EPHA3: variants seen among roughly 807,000 people sequenced by gnomAD.
The protein encoded by EPHA3 is EPH receptor A3, also known as ephrin type-A receptor 3.
Under a neutral mutation model 107.1 loss-of-function variants are expected in EPHA3, and 42 were observed. The ratio of observed to expected loss-of-function variants is 0.39; its 90% CI spans 0.31 to 0.51. EPHA3 has a LOEUF of 0.51. Ranked by LOEUF, EPHA3 falls within the 20% of genes least tolerant of loss-of-function variation. EPHA3 has a pLI of 0.78. For synonymous variants in EPHA3, 461 were observed against 424.8 expected, an observed-to-expected ratio of 1.09 and a Z score of -1.05; for missense variants, 1,183 against 1,211.2, an observed-to-expected ratio of 0.98 and a Z score of 0.35.
intron 15 of EPHA3, among the ~76,000 whole-genome samples, chr3:89,451,193 A>T (rs1056026157): frequency 6.6e-6 from 1 of 152,182 alleles, no homozygotes; most frequent in African/African-American, 2.4e-5. Context: ...GCAATCCTGG[A>T]TGCACAAAGT....
chr3:89,230,750 G>A (rs1704609678), intron 3 of EPHA3, among the ~76,000 whole-genome samples: 1 of 149,938 alleles, frequency 6.7e-6, no homozygotes, highest in South Asian at 2.1e-4. Context: ...AGTACATCTA[G>A]ATCCACTGGT....
At chr3:89,198,042 T>C (rs1705888172) in intron 2 of EPHA3, among the ~76,000 whole-genome samples, 2 of 152,180 alleles carry the variant, frequency 1.3e-5, no homozygotes, top group South Asian at 2.1e-4. Flanking sequence ...TTGTCAATTA[T>C]ATTTAGTGAA....
intron 2 of EPHA3, among the ~76,000 whole-genome samples, chr3:89,139,409 G>T (rs146590651): frequency 2.6e-5 from 4 of 151,778 alleles, no homozygotes. Flanking sequence ...ATCTGTATCC[G>T]TATTGTTGGA....
chr3:89,303,238 A>C (rs1477962845), intron 3 of EPHA3, among the ~76,000 whole-genome samples: 1 of 152,034 alleles, frequency 6.6e-6, no homozygotes, highest in Non-Finnish European at 1.5e-5. Context: ...TTTTAAAATA[A>C]TTTTAATTGA....
At position 89,136,336 on chromosome 3, in the gene EPHA3, T is replaced by TTTTTTTTTTTTTTTTTTTG. The variant is rs1704312953; in HGVS notation, c.153+9064_153+9082dup. Among the ~76,000 whole-genome samples, 2 of 134,272 alleles carry TTTTTTTTTTTTTTTTTTTG rather than the reference T, an allele frequency of 1.5e-5. 1 individual carries two copies. Among genetic ancestry groups the TTTTTTTTTTTTTTTTTTTG allele is most frequent in the Non-Finnish European group, 3.2e-5 (2 of 62,664 alleles). 88.1% of individuals were successfully genotyped at this position (134,272 alleles called of 152,430 possible). The stretch of plus-strand genomic sequence containing the variant: ...CATGGCAAAATCTTACAGGCTTTTT[T>TTTTTTTTTTTTTTTTTTTG]TTTTTTTTTTTTTTTTTTGACCCTT... On this transcript the variant is annotated intron_variant, in intron 2 of 16. Transcript: ENST00000336596.
At chr3:89,127,102 G>T (rs1704111695) in intron 1 of EPHA3, 107 bp from the exon 2 acceptor site, 1 of 815,972 alleles carries the variant, frequency 1.2e-6, no homozygotes, top group Admixed American at 2.2e-5. Context: ...AGAAGGAAGA[G>T]TTATGTTTTT....
At chr3:89,402,595 T>G (rs1323178263) in intron 7 of EPHA3, among the ~76,000 whole-genome samples, 1 of 152,096 alleles carries the variant, frequency 6.6e-6, no homozygotes, top group East Asian at 1.9e-4. Context: ...AGACTCTTAT[T>G]TGTTATATAT....
rs929295509 is a variant in EPHA3, at chr3:89,413,083, C to G, written c.1763-58C>G. The G allele has an allele frequency of 3.1e-6, 5 of 1,599,574 alleles. No homozygotes were observed. In the African/African-American group the frequency reaches 6.7e-5, roughly 22 times the overall value. On this transcript the variant is annotated intron_variant, in intron 9 of 16. Transcript: ENST00000336596. ...AACCAATAATGCCATAAAATTTGAT[C>G]TATAATTGTTTGTACAAATCTAGCT...
chr3:89,248,389 CT>C (rs2107258495), intron 3 of EPHA3, among the ~76,000 whole-genome samples: 1 of 152,252 alleles, frequency 6.6e-6, no homozygotes, highest in East Asian at 1.9e-4. Context: ...TCTTGGTTGC[CT>C]TTTAATCCCC....
At chr3:89,226,790 C>T (rs2107217091) in intron 3 of EPHA3, among the ~76,000 whole-genome samples, 1 of 152,134 alleles carries the variant, frequency 6.6e-6, no homozygotes, top group African/African-American at 2.4e-5. Flanking sequence ...ATGTAGAAAA[C>T]CAGTCCTTAT....
chr3:89,480,933 G>T lies in EPHA3; in HGVS notation c.*1431G>T, dbSNP rs1710610523. The T allele has an allele frequency of 4.3e-6, 1 of 232,020 alleles. No individual in the cohort carries two copies. Among genetic ancestry groups the T allele is most frequent in the Non-Finnish European group, 8.5e-6 (1 of 117,120 alleles). The allele number at this position is 232,020 out of a possible 1,614,324, so 14.4% of individuals were successfully genotyped here. A position where few individuals can be genotyped will look rare whatever the true frequency, so the allele number is the denominator to read the frequency against. On this transcript the variant is annotated 3_prime_UTR_variant, in exon 17 of 17. Transcript: ENST00000336596. Reference sequence around the variant, plus strand: ...CGCCTCAAAATGTGTAAGCAGGAGAGAAATTTCTCATCACAGGGATTTAGA... The same window carrying T: ...CGCCTCAAAATGTGTAAGCAGGAGATAAATTTCTCATCACAGGGATTTAGA...
intron 3 of EPHA3, among the ~76,000 whole-genome samples, chr3:89,218,717 A>G (rs1704277945): frequency 6.6e-6 from 1 of 152,170 alleles, no homozygotes; most frequent in South Asian, 2.1e-4. Flanking sequence ...GCAGCCAAAA[A>G]AATATGAAAA....
intron 10 of EPHA3, among the ~76,000 whole-genome samples, chr3:89,417,507 T>A (rs1477178199): frequency 6.6e-6 from 1 of 151,516 alleles, no homozygotes; most frequent in Admixed American, 6.6e-5. Context: ...GCTCTGATAA[T>A]GTTCGGATAA....
intron 3 of EPHA3, among the ~76,000 whole-genome samples, chr3:89,219,761 T>A (rs1214582160): frequency 8.8e-6 from 1 of 114,218 alleles, no homozygotes; most frequent in Non-Finnish European, 1.8e-5. Flanking sequence ...CAGGCTGGAG[T>A]GCAGTGGCGG....
intron 3 of EPHA3, among the ~76,000 whole-genome samples, chr3:89,313,142 G>A (rs1410879197): frequency 1.3e-5 from 2 of 151,864 alleles, no homozygotes; most frequent in African/African-American, 2.4e-5. Context: ...TGCAATAATA[G>A]AGTTATGCCA....
Position 89,335,832 on chromosome 3 carries a change from A to C in EPHA3, c.815-5084A>C, listed in dbSNP as rs142711708. ...TTTTGCTATCCTGGGGTTAAGATCC[A>C]TGAATAATTTTTCCACGTGTTTGAC... On this transcript the variant is annotated intron_variant, in intron 3 of 16. Transcript: ENST00000336596. Among the ~76,000 whole-genome samples, 396 of 152,330 alleles carry C rather than the reference A, an allele frequency of 2.6e-3. 1 individual carries two copies. The highest frequency in any genetic ancestry group is 8.9e-3 in the African/African-American group (371 of 41,584).
intron 5 of EPHA3, among the ~76,000 whole-genome samples, chr3:89,387,198 G>T (rs1302898063): frequency 1.3e-5 from 2 of 152,138 alleles, no homozygotes; most frequent in Non-Finnish European, 2.9e-5. Context: ...TTGGCTCTGT[G>T]TCCCCACCCA....
chr3:89,373,651 C>T (rs1009161382), intron 5 of EPHA3, among the ~76,000 whole-genome samples: 3 of 151,804 alleles, frequency 2.0e-5, no homozygotes, highest in Non-Finnish European at 4.4e-5. Context: ...GAATGAGTCT[C>T]TCCCAGAGGG....
intron 13 of EPHA3, among the ~76,000 whole-genome samples, chr3:89,435,437 T>A (rs1311254708): frequency 6.8e-6 from 1 of 146,048 alleles, no homozygotes; most frequent in African/African-American, 2.5e-5. Context: ...TCATCTCTGT[T>A]AAAAAATATA....
Sources: gnomAD v4.1 joint callset for allele counts (sites outside exome capture counted in the v4.1 genomes callset) on GRCh38, gnomAD v4.1.1 for gene constraint, MANE v1.5 for transcripts, NCBI Gene and HGNC (gene_info 2026-07-23, HGNC 2026-07-21) for gene names.